The following DCLK1 variants were observed in gnomAD, a reference collection of about 807,000 sequenced individuals.
DCLK1 encodes doublecortin like kinase 1.
A neutral mutation model predicts 86.2 loss-of-function variants in DCLK1; 16 were observed. The ratio of observed to expected loss-of-function variants is 0.19; its 90% confidence interval spans 0.13 to 0.28. The LOEUF (loss-of-function observed/expected upper bound fraction) is 0.28. Among genes scored for constraint, DCLK1 ranks in the 10% least tolerant of loss-of-function variants. The pLI is 1.00. For synonymous variants in DCLK1, 369 were observed against 370.5 expected (o/e 1.00, Z 0.05); for missense variants, 590 against 940.2 (o/e 0.63, Z 4.87).
At chr13:35,849,916 T>C (rs1870487563) in intron 6 of DCLK1, 1 of 958,466 alleles carries the variant, frequency 1.0e-6, no homozygotes, top group South Asian at 4.8e-5. Context: ...AAAAATTATG[T>C]ATATGATTGT....
intron 2 of DCLK1, among the ~76,000 whole-genome samples, chr13:36,121,947 T>C (rs772087763): frequency 1.3e-5 from 2 of 152,198 alleles, no homozygotes; most frequent in Non-Finnish European, 2.9e-5. Flanking sequence ...TTTTTGTTTT[T>C]GCTTTTGTTT....
At chr13:36,076,221 T>G (rs1884209739) in intron 3 of DCLK1, among the ~76,000 whole-genome samples, 1 of 152,208 alleles carries the variant, frequency 6.6e-6, no homozygotes, top group African/African-American at 2.4e-5. Context: ...CCAAATGAGG[T>G]AAGGTTACCC....
At chr13:35,915,480 C>T (rs956706964) in intron 4 of DCLK1, among the ~76,000 whole-genome samples, 1 of 152,152 alleles carries the variant, frequency 6.6e-6, no homozygotes, top group Non-Finnish European at 1.5e-5. Context: ...GCAGGAGGAT[C>T]GCTTGAGCTC....
chr13:35,830,196 G>GT (rs1459265068), intron 8 of DCLK1, among the ~76,000 whole-genome samples: 1 of 152,050 alleles, frequency 6.6e-6, no homozygotes, highest in Non-Finnish European at 1.5e-5. Context: ...GACCAGCCTG[G>GT]TAAACATGGT....
At chr13:36,031,445 T>C (rs1882267334) in intron 3 of DCLK1, among the ~76,000 whole-genome samples, 1 of 152,216 alleles carries the variant, frequency 6.6e-6, no homozygotes, top group African/African-American at 2.4e-5. Context: ...GATATATATG[T>C]ACACAAATTA....
rs139274370 is a variant in DCLK1, at chr13:35,884,757, A to G, written c.824-13417T>C. Among the ~76,000 whole-genome samples the G allele has an allele frequency of 3.6e-3, 552 of 152,298 alleles. 4 individuals carry two copies. The highest frequency in any genetic ancestry group is 0.012 in the African/African-American group (519 of 41,572). On this transcript the variant is annotated intron_variant, in intron 4 of 16. Transcript: ENST00000360631. ...TGGTCTGGAGGCGGCTCCCTGAGAA[A>G]GTGGAAATGGTTGGAGTTTCTGGGG... is the stretch of plus-strand genomic sequence containing the variant.
intron 4 of DCLK1, among the ~76,000 whole-genome samples, chr13:35,947,044 C>T (rs139086057): frequency 1.3e-4 from 20 of 151,684 alleles, no homozygotes; most frequent in African/African-American, 4.1e-4. Context: ...AGCTAAAAAC[C>T]GTGAAAAAAA....
chr13:36,023,981 C>T (rs923325341), intron 3 of DCLK1, among the ~76,000 whole-genome samples: 6 of 147,536 alleles, frequency 4.1e-5, no homozygotes, highest in Admixed American at 2.1e-4. Flanking sequence ...CTGCAACCTC[C>T]GCCTTCTGGT....
intron 4 of DCLK1, among the ~76,000 whole-genome samples, chr13:35,894,156 C>G (rs1353354059): frequency 6.6e-6 from 1 of 151,950 alleles, no homozygotes; most frequent in Non-Finnish European, 1.5e-5. Context: ...AAAAAACAAC[C>G]AAACCCTTGT....
intron 15 of DCLK1, among the ~76,000 whole-genome samples, chr13:35,801,719 C>A (rs1272973456): frequency 6.6e-6 from 1 of 152,090 alleles, no homozygotes; most frequent in African/African-American, 2.4e-5. Context: ...ACTGCTGAGA[C>A]ACGTATATAT....
intron 3 of DCLK1, among the ~76,000 whole-genome samples, chr13:35,958,139 C>CATCACCACCATCACTGCTATAACT: frequency 7.0e-6 from 1 of 142,208 alleles, no homozygotes; most frequent in African/African-American, 2.8e-5. Context: ...CTACTATAAC[C>CATCACCACCATCACTGCTATAACT]ACCACCACCA....
At chr13:35,968,564 C>T (rs1261382051) in intron 3 of DCLK1, among the ~76,000 whole-genome samples, 1 of 152,172 alleles carries the variant, frequency 6.6e-6, no homozygotes, top group Non-Finnish European at 1.5e-5. Context: ...ACAGCTTGCA[C>T]ACTGACAATA....
intron 4 of DCLK1, among the ~76,000 whole-genome samples, chr13:35,900,749 T>C (rs1040895013): frequency 6.6e-6 from 1 of 152,084 alleles, no homozygotes; most frequent in Non-Finnish European, 1.5e-5. Context: ...CCTCCCACCC[T>C]CGGCTGTGAT....
At chr13:36,036,557 A>G (rs1362122704) in intron 3 of DCLK1, among the ~76,000 whole-genome samples, 1 of 152,178 alleles carries the variant, frequency 6.6e-6, no homozygotes, top group Non-Finnish European at 1.5e-5. Context: ...TGTAATCACA[A>G]TGACTCCTTA....
At chr13:36,007,276 A>G (rs1881019908) in intron 3 of DCLK1, among the ~76,000 whole-genome samples, 1 of 152,250 alleles carries the variant, frequency 6.6e-6, no homozygotes, top group Non-Finnish European at 1.5e-5. Context: ...GTGCCTTCTT[A>G]CTGATAAAGC....
At position 35,869,087 on chromosome 13, in the gene DCLK1, G is replaced by A. The variant is rs12100047; in HGVS notation, c.940+2137C>T. The A allele has an allele frequency of 1.2e-3, 596 of 506,626 alleles. 1 individual carries two copies. The highest frequency in any genetic ancestry group is 9.1e-3 in the African/African-American group (474 of 51,886). 31.4% of individuals were successfully genotyped at this position (506,626 alleles called of 1,614,324 possible). On this transcript the variant is annotated intron_variant, in intron 5 of 16. Transcript: ENST00000360631. Reference sequence around the variant, plus strand: ...ATTACAGGTATGAGCCACCAGGCCCGGGCCTATAGCCCAGATTTAATCAGA... The same window carrying A: ...ATTACAGGTATGAGCCACCAGGCCCAGGCCTATAGCCCAGATTTAATCAGA...
intron 14 of DCLK1, among the ~76,000 whole-genome samples, chr13:35,806,875 CT>C (rs1389803807): frequency 6.6e-6 from 1 of 152,180 alleles, no homozygotes; most frequent in Non-Finnish European, 1.5e-5. Context: ...CACTCCCTTT[CT>C]GGCAGCTTCC....
At chr13:35,863,681 C>G (rs1871567134) in intron 5 of DCLK1, among the ~76,000 whole-genome samples, 1 of 152,170 alleles carries the variant, frequency 6.6e-6, no homozygotes, top group Non-Finnish European at 1.5e-5. Flanking sequence ...TCTCCATAGA[C>G]TGTATAAGGC....
intron 16 of DCLK1, among the ~76,000 whole-genome samples, chr13:35,778,906 T>G (rs1213721790): frequency 6.6e-6 from 1 of 152,250 alleles, no homozygotes; most frequent in Non-Finnish European, 1.5e-5. Flanking sequence ...CAGTCCAAAC[T>G]GATGTATCTC....
Sources: allele counts gnomAD v4.1 joint callset (sites outside exome capture counted in the v4.1 genomes callset), GRCh38; gene constraint gnomAD v4.1.1; transcripts MANE v1.5; gene names NCBI Gene and HGNC (gene_info 2026-07-23, HGNC 2026-07-21).